The following CARMIL1 variants were observed in gnomAD, a reference collection of about 807,000 sequenced individuals.
CARMIL1 encodes F-actin-uncapping protein LRRC16A.
A neutral mutation model predicts 177.1 loss-of-function variants in CARMIL1; 90 were observed. The ratio of observed to expected loss-of-function variants is 0.51; its 90% CI spans 0.43 to 0.61. The LOEUF is 0.61. Among genes scored for constraint, CARMIL1 ranks in the 20% least tolerant of loss-of-function variants. The pLI is 0.00. For synonymous variants in CARMIL1, 577 were observed against 606.2 expected, an observed-to-expected ratio of 0.95 and a Z score of 0.71; for missense variants, 1,380 against 1,667.0, an observed-to-expected ratio of 0.83 and a Z score of 3.00.
rs754992494 is a variant in CARMIL1, at chr6:25,594,493, T to C, written c.3085T>C (p.Phe1029Leu). Residue 1029 changes from phenylalanine (F) to leucine (L), a missense_variant, in exon 32 of 37, where the codon TTT (phenylalanine) becomes CTT (leucine). Transcript: ENST00000329474. ...MGRVDEGVDE[F>L]FTKKVTKMDS... is the part of the protein sequence containing the mutation. ...GAGAGTGGATGAAGGTGTAGATGAA[T>C]TTTTTACCAAGAAGGTGACCAAAAT... The C allele has an allele frequency of 6.2e-7, 1 of 1,612,900 alleles. No individual in the cohort carries two copies. Among genetic ancestry groups the C allele is most frequent in the Non-Finnish European group, 8.5e-7 (1 of 1,179,168 alleles).
intron 29 of CARMIL1, among the ~76,000 whole-genome samples, chr6:25,565,886 T>G (rs1811516217): frequency 6.6e-6 from 1 of 152,206 alleles, no homozygotes; most frequent in African/African-American, 2.4e-5. Context: ...GTACATATTT[T>G]CAGCTTCCTA....
At chr6:25,479,069 A>G (rs535150540) in intron 11 of CARMIL1, 16 of 518,176 alleles carry the variant, frequency 3.1e-5, no homozygotes, top group African/African-American at 2.7e-4. Flanking sequence ...TCCAATGTGT[A>G]TGCTTTCTAA....
chr6:25,589,193 G>A (rs1454745873), intron 31 of CARMIL1, among the ~76,000 whole-genome samples: 1 of 152,158 alleles, frequency 6.6e-6, no homozygotes, highest in African/African-American at 2.4e-5. Context: ...TTTTCTTAAA[G>A]CTCTAATTAT....
At chr6:25,555,793 A>G (rs1008455405) in intron 28 of CARMIL1, among the ~76,000 whole-genome samples, 2 of 152,198 alleles carry the variant, frequency 1.3e-5, no homozygotes, top group South Asian at 2.1e-4. Context: ...TGACACAAAT[A>G]GTACATATTA....
intron 36 of CARMIL1, among the ~76,000 whole-genome samples, chr6:25,613,302 CT>C (rs1373713419): frequency 6.6e-6 from 1 of 152,170 alleles, no homozygotes; most frequent in Non-Finnish European, 1.5e-5. Flanking sequence ...GGCCTAATAT[CT>C]TACACTCTTT....
At chr6:25,485,867 A>G (rs1802597910) in intron 12 of CARMIL1, among the ~76,000 whole-genome samples, 1 of 152,098 alleles carries the variant, frequency 6.6e-6, no homozygotes, top group South Asian at 2.1e-4. Context: ...GACTGGAGTT[A>G]CATTGCAGTG....
At chr6:25,370,891 C>CT (rs920983849) in intron 2 of CARMIL1, among the ~76,000 whole-genome samples, 32 of 151,790 alleles carry the variant, frequency 2.1e-4, no homozygotes, top group African/African-American at 6.5e-4. Context: ...CAATATGTAG[C>CT]TTTTTTTTAT....
chr6:25,515,845 C>A lies in CARMIL1; in HGVS notation c.1803C>A (p.Leu601=). Residue 601 remains leucine (L), a splice_region_variant and synonymous_variant, in exon 21 of 37, where the codon CTC becomes CTA. Coordinates refer to ENST00000329474, the MANE Select transcript of CARMIL1 (RefSeq NM_017640.6). The surrounding 1 kb of genome is among the most constrained non-coding windows in gnomAD (Gnocchi z 5.0). ...LAKALQINTK[L]RTVIWDKNNI... is the part of the protein sequence containing the mutation. ...AAGCACTGCAGATCAACACTAAGCT[C>A]AGGTAGGCAGATCCCACCCTCCCTG... The A allele has an allele frequency of 1.3e-6, 2 of 1,598,194 alleles. No homozygotes were observed. Among genetic ancestry groups the A allele is most frequent in the Non-Finnish European group, 8.5e-7 (1 of 1,172,612 alleles).
chr6:25,578,916 A>T (rs935415936), intron 29 of CARMIL1, among the ~76,000 whole-genome samples: 2 of 152,130 alleles, frequency 1.3e-5, no homozygotes, highest in Non-Finnish European at 2.9e-5. Flanking sequence ...AACAAGACCA[A>T]GAGGAGAAAA....
intron 2 of CARMIL1, among the ~76,000 whole-genome samples, chr6:25,381,767 T>G (rs565956404): frequency 6.6e-6 from 1 of 152,302 alleles, no homozygotes; most frequent in Non-Finnish European, 1.5e-5. Flanking sequence ...CTCTTTAACT[T>G]AGAGGTTTTA....
chr6:25,401,915 A>C (rs1442012657), intron 2 of CARMIL1, among the ~76,000 whole-genome samples: 2 of 151,540 alleles, frequency 1.3e-5, no homozygotes, highest in Non-Finnish European at 2.9e-5. Flanking sequence ...AATGCCACCA[A>C]CTCTATTAAT....
chr6:25,447,060 A>G (rs1262499794), intron 5 of CARMIL1, among the ~76,000 whole-genome samples: 3 of 152,348 alleles, frequency 2.0e-5, no homozygotes, highest in East Asian at 1.9e-4. Flanking sequence ...ATAATGAGGA[A>G]GTTTGAGATA....
intron 2 of CARMIL1, among the ~76,000 whole-genome samples, chr6:25,314,580 G>GTATGTATACATTCACA (rs1784130627): frequency 9.4e-6 from 1 of 106,414 alleles, no homozygotes; most frequent in African/African-American, 5.4e-5. Flanking sequence ...ATTCACACAT[G>GTATGTATACATTCACA]CACTTATATA....
At position 25,316,068 on chromosome 6, in the gene CARMIL1, A is replaced by C. The variant is rs545692392; in HGVS notation, c.138+31159A>C. 2.7e-4 allele frequency among the ~76,000 whole-genome samples: 41 copies of C among 152,360 alleles called. No homozygotes were observed. The South Asian group carries it at 5.4e-3, about 20-fold the overall frequency. ...GAAAGCCTTCAGTGCCATTATTAGT[A>C]ATGACGTTGGTGCTGATAAGGTTTG... is the stretch of plus-strand genomic sequence containing the variant. On this transcript the variant is annotated intron_variant, in intron 2 of 36. Transcript: ENST00000329474.
At chr6:25,556,680 G>C (rs914484938) in intron 28 of CARMIL1, 21 bp from the exon 29 acceptor site, 8 of 1,598,544 alleles carry the variant, frequency 5.0e-6, no homozygotes, top group Non-Finnish European at 6.8e-6. Context: ...ATTTCTCCTC[G>C]TACACGTCTT....
chr6:25,282,420 C>A (rs536343154), intron 1 of CARMIL1, among the ~76,000 whole-genome samples: 13 of 152,244 alleles, frequency 8.5e-5, no homozygotes, highest in South Asian at 2.1e-4. Flanking sequence ...TCCCTTGCCC[C>A]AAACATTCCA....
At chr6:25,429,974 T>A (rs1796604790) in intron 4 of CARMIL1, among the ~76,000 whole-genome samples, 1 of 151,904 alleles carries the variant, frequency 6.6e-6, no homozygotes, top group African/African-American at 2.4e-5. Flanking sequence ...GCCTCCCGAA[T>A]AGCTGGGACT....
intron 2 of CARMIL1, among the ~76,000 whole-genome samples, chr6:25,361,014 G>T (rs935938157): frequency 6.6e-6 from 1 of 152,038 alleles, no homozygotes; most frequent in Non-Finnish European, 1.5e-5. Context: ...GTGTGCTTTG[G>T]GGGTGTGCTT....
intron 11 of CARMIL1, among the ~76,000 whole-genome samples, chr6:25,474,581 G>A (rs1278050351): frequency 1.3e-5 from 2 of 152,158 alleles, no homozygotes; most frequent in Admixed American, 1.3e-4. Flanking sequence ...CTACAGGAAG[G>A]TTGAGACTGA....
Sources: gnomAD v4.1 joint callset for allele counts (sites outside exome capture counted in the v4.1 genomes callset) on GRCh38, gnomAD v4.1.1 for gene constraint, Gnocchi (gnomAD v3.1) non-coding constraint, MANE v1.5 for transcripts, NCBI Gene and HGNC (gene_info 2026-07-23, HGNC 2026-07-21) for gene names.